Variants in BANP observed in about 807,000 individuals in gnomAD.
BANP encodes the protein protein BANP.
BANP carries 11 observed loss-of-function variants against 68.1 expected under a neutral mutation model. The observed-to-expected ratio is 0.16, with a 90% CI of 0.10 to 0.27. BANP has a LOEUF of 0.27. Among genes scored for constraint, BANP ranks in the 10% least tolerant of loss-of-function variants. The pLI is 1.00. For synonymous variants in BANP, 329 were observed against 303.2 expected (o/e 1.09, Z -0.88); for missense variants, 504 against 722.7 (o/e 0.70, Z 3.47).
rs142972188 is a variant in BANP at position 88,023,908 on chromosome 16, C to T, written c.896-3575C>T. On this transcript the variant is annotated intron_variant, in intron 7 of 13. Coordinates refer to ENST00000682872, the MANE Select transcript of BANP (RefSeq NM_001386991.1). ...ATCCCGTCCCGGCCTTGAGGGGCCT[C>T]GGTTGGTGTAGTGTGGGGATATGGC... 8.7e-3 allele frequency among the ~76,000 whole-genome samples: 1,318 copies of T among 152,254 alleles called. 19 individuals carry two copies. The highest frequency in any genetic ancestry group is 0.03 in the African/African-American group (1,231 of 41,544).
chr16:87,993,166 G>T (rs1310668860), intron 4 of BANP, among the ~76,000 whole-genome samples: 1 of 152,242 alleles, frequency 6.6e-6, no homozygotes, highest in African/African-American at 2.4e-5. Context: ...AGCACTGTCA[G>T]CAGGACTCAG....
In BANP at chr16:88,029,282, G is replaced by T. The variant is rs1328997750; in HGVS notation, c.1063+1632G>T. Reference sequence around the variant, plus strand: ...AGACTATGCCACCACACTGTAGCCTGGGTGACAGAGCGAGACTGTATCTCA... The same window carrying T: ...AGACTATGCCACCACACTGTAGCCTTGGTGACAGAGCGAGACTGTATCTCA... On this transcript the variant is annotated intron_variant, in intron 8 of 13. Coordinates refer to ENST00000682872, the MANE Select transcript of BANP (RefSeq NM_001386991.1). 3.6e-5 allele frequency among the ~76,000 whole-genome samples: 5 copies of T among 138,720 alleles called. 1 individual carries two copies. Among genetic ancestry groups the T allele is most frequent in the Admixed American group, 3.2e-4 (4 of 12,548 alleles). The allele number at this position is 138,720 out of a possible 152,430, so 91.0% of individuals were successfully genotyped here.
chr16:88,017,222 C>T (rs1184878536), intron 6 of BANP: 1 of 152,270 alleles, frequency 6.6e-6, no homozygotes, highest in Non-Finnish European at 1.5e-5. Context: ...GTAGCCAGCC[C>T]TGGGCCTCAG....
At chr16:88,013,074 G>A (rs1373801012) in intron 6 of BANP, among the ~76,000 whole-genome samples, 2 of 152,188 alleles carry the variant, frequency 1.3e-5, no homozygotes, top group Non-Finnish European at 2.9e-5. Flanking sequence ...TTTGAGGATC[G>A]GCAGCTTTCT....
intron 11 of BANP, among the ~76,000 whole-genome samples, chr16:88,052,553 C>T (rs1244156125): frequency 1.3e-5 from 2 of 151,994 alleles, no homozygotes; most frequent in East Asian, 1.9e-4. Context: ...GCTCCACCAT[C>T]ATCATCACCT....
intron 4 of BANP, among the ~76,000 whole-genome samples, chr16:87,998,690 T>G (rs1275275444): frequency 1.4e-5 from 2 of 143,702 alleles, no homozygotes; most frequent in East Asian, 4.1e-4. Flanking sequence ...GCGGCTGGAC[T>G]TACCTGTCCT....
rs1398549433 is a variant in BANP at position 88,071,692 on chromosome 16, G to T, written c.1378-377G>T. The T allele has an allele frequency of 6.1e-6, 3 of 492,308 alleles. No homozygotes were observed. Among genetic ancestry groups the T allele is most frequent in the South Asian group, 4.6e-5 (3 of 64,888 alleles). The allele number at this position is 492,308 out of a possible 1,614,324, so 30.5% of individuals were successfully genotyped here. On this transcript the variant is annotated intron_variant, in intron 12 of 13. Coordinates refer to ENST00000682872, the MANE Select transcript of BANP (RefSeq NM_001386991.1). The surrounding 1 kb of genome is among the most constrained non-coding windows in gnomAD (Gnocchi z 6.5). ...GGATTTTAGGCCTCAGTGGCACTCTGGGAGCGCTTGTGCTCTTCATGGTTG... is the reference window on the plus strand; with the variant it reads ...GGATTTTAGGCCTCAGTGGCACTCTTGGAGCGCTTGTGCTCTTCATGGTTG...
chr16:88,035,959 G>C (rs151227274), intron 10 of BANP, among the ~76,000 whole-genome samples: 1 of 152,366 alleles, frequency 6.6e-6, no homozygotes, highest in Non-Finnish European at 1.5e-5. Flanking sequence ...GCACTCAGAA[G>C]TGCGGGCTCA....
chr16:88,015,036 G>A (rs2074155578), intron 6 of BANP, among the ~76,000 whole-genome samples: 2 of 137,850 alleles, frequency 1.5e-5, no homozygotes, highest in South Asian at 2.4e-4. Flanking sequence ...CTCAGCTTGT[G>A]CCCTCTGGCC....
chr16:88,060,547 T>G (rs1440973084), intron 11 of BANP, among the ~76,000 whole-genome samples: 1 of 152,234 alleles, frequency 6.6e-6, no homozygotes, highest in East Asian at 1.9e-4. Context: ...AACGTATTTT[T>G]TGTGCCATAC....
At chr16:87,994,553 G>A (rs1382154456) in intron 4 of BANP, among the ~76,000 whole-genome samples, 6 of 152,198 alleles carry the variant, frequency 3.9e-5, no homozygotes, top group Non-Finnish European at 8.8e-5. Context: ...ATTCTGTTTT[G>A]CTTATTTCAT....
In BANP at chr16:88,064,275, C is replaced by G. The variant is rs1599043115; in HGVS notation, c.1312-992C>G. On this transcript the variant is annotated intron_variant, in intron 11 of 13. Transcript: ENST00000682872. This position sits in a 1 kb window ranked among gnomAD's most constrained non-coding sequence, Gnocchi z 4.5. Reference sequence around the variant, plus strand: ...TGTGCGTCCACGGCGGGGCCTGCCTCCGTGGCAGCGCTCCCAGCACCCTGT... The same window carrying G: ...TGTGCGTCCACGGCGGGGCCTGCCTGCGTGGCAGCGCTCCCAGCACCCTGT... Among the ~76,000 whole-genome samples the G allele has an allele frequency of 6.6e-6, 1 of 152,302 alleles. No individual in the cohort carries two copies. The highest frequency in any genetic ancestry group is 2.4e-5 in the African/African-American group (1 of 41,578).
chr16:87,989,621 G>A (rs1415467805), intron 4 of BANP, among the ~76,000 whole-genome samples: 4 of 137,174 alleles, frequency 2.9e-5, no homozygotes, highest in African/African-American at 1.1e-4. Flanking sequence ...GCGTGGCTGC[G>A]CGCATCCAGG....
rs144683907 is a variant in BANP, at chr16:88,069,343, A to T, written c.1378-2726A>T. Among the ~76,000 whole-genome samples, 462 of 152,348 alleles carry T rather than the reference A, an allele frequency of 3.0e-3. 1 individual carries two copies. Among genetic ancestry groups the T allele is most frequent in the African/African-American group, 0.011 (443 of 41,578 alleles). On this transcript the variant is annotated intron_variant, in intron 12 of 13. Coordinates refer to ENST00000682872, the MANE Select transcript of BANP (RefSeq NM_001386991.1). ...CCACTGACAAATTCATTGTTAAAAA[A>T]ATATAAGGCATTTGCTCATCAAAAA...
chr16:88,045,517 G>A (rs540333299), intron 11 of BANP, among the ~76,000 whole-genome samples: 22 of 152,350 alleles, frequency 1.4e-4, no homozygotes, highest in African/African-American at 5.3e-4. Context: ...TTTCTTCCCT[G>A]TGCAGCACCT....
rs2058301968 is a variant in BANP, at chr16:87,957,418, T to A, written c.-69+5903T>A. Among the ~76,000 whole-genome samples the A allele has an allele frequency of 6.6e-6, 1 of 152,216 alleles. No individual in the cohort carries two copies. The highest frequency in any genetic ancestry group is 1.5e-5 in the Non-Finnish European group (1 of 68,036). ...GTCACCTCCCCTCTGCTCGTCTGTG[T>A]CCACATTCTGTCGTGGTTGAGACCG... On this transcript the variant is annotated intron_variant, in intron 1 of 13. Coordinates refer to ENST00000682872, the MANE Select transcript of BANP (RefSeq NM_001386991.1). This position sits in a 1 kb window ranked among gnomAD's most constrained non-coding sequence, Gnocchi z 4.3.
chr16:88,037,750 G>A, intron 10 of BANP: 1 of 591,206 alleles, frequency 1.7e-6, no homozygotes, highest in Non-Finnish European at 3.1e-6. Context: ...TGAGTACAAT[G>A]CTTTTTGAGT....
chr16:88,076,865 T>C lies in BANP; in HGVS notation c.*204T>C, dbSNP rs902464535. 2.7e-4 allele frequency: 150 copies of C among 563,994 alleles called. No homozygotes were observed. The African/African-American group carries it at 2.8e-3, about 10-fold the overall frequency. The allele number at this position is 563,994 out of a possible 1,614,324, so 34.9% of individuals were successfully genotyped here. A position where few individuals can be genotyped will look rare whatever the true frequency, so the allele number is the denominator to read the frequency against. On this transcript the variant is annotated 3_prime_UTR_variant, in exon 14 of 14. Transcript: ENST00000682872. ...CCCCCAGCCGGAGACCCCTTTCGTT[T>C]GAGTCCTGCTGTTGGTGTCGGAGCA...
At chr16:88,031,668 C>T (rs956595317) in intron 8 of BANP, among the ~76,000 whole-genome samples, 2 of 150,494 alleles carry the variant, frequency 1.3e-5, no homozygotes, top group Non-Finnish European at 3.0e-5. Context: ...AAAAAAGAAA[C>T]CCAACATTTT....
Sources: allele counts gnomAD v4.1 joint callset (sites outside exome capture counted in the v4.1 genomes callset), GRCh38; gene constraint gnomAD v4.1.1; non-coding constraint Gnocchi (gnomAD v3.1); transcripts MANE v1.5; gene names NCBI Gene and HGNC (gene_info 2026-07-23, HGNC 2026-07-21).